Variants in ATF6 observed in about 807,000 individuals in gnomAD.
ATF6 encodes cyclic AMP-dependent transcription factor ATF-6 alpha.
A neutral mutation model predicts 83.6 loss-of-function variants in ATF6; 53 were observed. The observed-to-expected ratio is 0.63, with a 90% CI of 0.51 to 0.80. The LOEUF (loss-of-function observed/expected upper bound fraction) is 0.80, where lower values mean the gene tolerates loss of function less well. ATF6 is among the 30% of genes least tolerant of loss of function. The pLI is 0.00. For synonymous variants in ATF6, 288 were observed against 285.8 expected, an observed-to-expected ratio of 1.01 and a Z score of -0.08; for missense variants, 744 against 797.9, an observed-to-expected ratio of 0.93 and a Z score of 0.81.
In ATF6 at chr1:161,791,104, C is replaced by CTGTG. The variant is rs1324328012; in HGVS notation, c.355-303_355-302insGTGT. 2.1e-3 allele frequency among the ~76,000 whole-genome samples: 210 copies of CTGTG among 98,734 alleles called. 1 individual carries two copies. The highest frequency in any genetic ancestry group is 0.013 in the East Asian group (34 of 2,530). The allele number at this position is 98,734 out of a possible 152,430, so 64.8% of individuals were successfully genotyped here. ...TGTGTCTCTGTGTGTGTGTGTGTGT[C>CTGTG]TCTGTGTGTGTGTGTGTGTGTGTGT... is the stretch of plus-strand genomic sequence containing the variant. On this transcript the variant is annotated intron_variant, in intron 4 of 15. Transcript: ENST00000367942.
intron 4 of ATF6, 59 bp downstream of exon 4, chr1:161,784,155 A>T: frequency 8.5e-7 from 1 of 1,173,028 alleles, no homozygotes; most frequent in Non-Finnish European, 1.3e-6. Flanking sequence ...GAAAATATGT[A>T]TATGGAGGAG....
At chr1:161,817,514 CGT>C (rs145132978) in intron 7 of ATF6, among the ~76,000 whole-genome samples, 5 of 150,572 alleles carry the variant, frequency 3.3e-5, no homozygotes, top group South Asian at 2.1e-4. Flanking sequence ...TATGTGCGTG[CGT>C]GTGTGTGTGT....
Position 161,960,613 on chromosome 1 carries a change from G to A in ATF6, c.*1959G>A, listed in dbSNP as rs1309559583. The stretch of plus-strand genomic sequence containing the variant: ...TTATTGTTGTGTTACCTGGGAGTCT[G>A]GAGTTTGAAAAGTGCTAATTAACCT... On this transcript the variant is annotated 3_prime_UTR_variant, in exon 16 of 16. Transcript: ENST00000367942. 3 of 152,236 alleles carry A rather than the reference G, an allele frequency of 2.0e-5. No homozygotes were observed. Among genetic ancestry groups the A allele is most frequent in the Non-Finnish European group, 2.9e-5 (2 of 68,052 alleles). 9.4% of individuals were successfully genotyped at this position (152,236 alleles called of 1,614,324 possible).
Position 161,792,134 on chromosome 1 carries a change from G to A in ATF6, c.495G>A (p.Leu165=), listed in dbSNP as rs1349786031. Residue 165 remains leucine (L), a synonymous_variant, in exon 6 of 16, where the codon CTG becomes CTA. Coordinates refer to ENST00000367942, the MANE Select transcript of ATF6 (RefSeq NM_007348.4). ...CTGGTTTTTCTCCAGAAAATGGACT[G>A]ACTCCAAAGAAAAAAATTCAGGTGA... ...TGPRNKTENG[L]TPKKKIQVNS... is the part of the protein sequence containing the mutation. 4 of 1,613,708 alleles carry A rather than the reference G, an allele frequency of 2.5e-6. No individual in the cohort carries two copies. The African/African-American group carries it at 4.0e-5, about 16-fold the overall frequency.
intron 7 of ATF6, among the ~76,000 whole-genome samples, chr1:161,814,508 A>T (rs1685561604): frequency 1.3e-5 from 2 of 152,242 alleles, no homozygotes; most frequent in Non-Finnish European, 1.5e-5. Flanking sequence ...TCATTTTAAA[A>T]AATAGAAGGA....
intron 14 of ATF6, among the ~76,000 whole-genome samples, 189 bp downstream of exon 14, chr1:161,863,501 G>T (rs907500442): frequency 6.6e-5 from 10 of 152,138 alleles, no homozygotes; most frequent in Admixed American, 6.6e-4. Flanking sequence ...TTATAAAGAT[G>T]AACATGGAAT....
chr1:161,798,230 T>C (rs1571140336), intron 6 of ATF6, among the ~76,000 whole-genome samples: 1 of 152,144 alleles, frequency 6.6e-6, no homozygotes, highest in African/African-American at 2.4e-5. Context: ...CTAGGAAATA[T>C]GGTTCTGGAC....
At chr1:161,828,092 G>A (rs145131910) in intron 9 of ATF6, among the ~76,000 whole-genome samples, 6 of 152,064 alleles carry the variant, frequency 3.9e-5, no homozygotes, top group Admixed American at 6.5e-5. Flanking sequence ...TTATTGTTGA[G>A]AACCTGAAAT....
rs935838807 is a variant in ATF6, at chr1:161,816,966, C to T, written c.910-2667C>T. Among the ~76,000 whole-genome samples, 10 of 152,034 alleles carry T rather than the reference C, an allele frequency of 6.6e-5. No individual in the cohort carries two copies. The East Asian group carries it at 1.2e-3, about 18-fold the overall frequency. ...TTGGAGCCCTGTGTTTGGTGATAGC[C>T]GTGGGTTTCATTTATTTTTACTGTC... On this transcript the variant is annotated intron_variant, in intron 7 of 15. Coordinates refer to ENST00000367942, the MANE Select transcript of ATF6 (RefSeq NM_007348.4).
In ATF6 at chr1:161,963,085, G is replaced by A. The variant is rs534281756; in HGVS notation, c.*4431G>A. 1 of 152,088 alleles carries A rather than the reference G, an allele frequency of 6.6e-6. No individual in the cohort carries two copies. Among genetic ancestry groups the A allele is most frequent in the East Asian group, 1.9e-4 (1 of 5,180 alleles). The allele number at this position is 152,088 out of a possible 1,614,324, so 9.4% of individuals were successfully genotyped here. ...ATTGGGATTGATTTTTAATTTCCTAGGAAACAATACTAGACTACCCAAAAA... is the reference window on the plus strand; with the variant it reads ...ATTGGGATTGATTTTTAATTTCCTAAGAAACAATACTAGACTACCCAAAAA... On this transcript the variant is annotated 3_prime_UTR_variant, in exon 16 of 16. Transcript: ENST00000367942.
At chr1:161,863,340 A>C (rs1686925619) in intron 14 of ATF6, 28 bp downstream of exon 14, 1 of 1,460,626 alleles carries the variant, frequency 6.8e-7, no homozygotes, top group African/African-American at 1.4e-5. Context: ...GAATAGAGCA[A>C]ATATTTTTGA....
chr1:161,823,421 G>T (rs1248743429), intron 9 of ATF6, among the ~76,000 whole-genome samples: 1 of 151,996 alleles, frequency 6.6e-6, no homozygotes, highest in Non-Finnish European at 1.5e-5. Flanking sequence ...ATAGCATATT[G>T]AAATTTCCTT....
At chr1:161,784,939 GT>G (rs1684713256) in intron 4 of ATF6, among the ~76,000 whole-genome samples, 1 of 152,152 alleles carries the variant, frequency 6.6e-6, no homozygotes, top group African/African-American at 2.4e-5. Context: ...AAGCTTTACT[GT>G]ATCAGTCATT....
intron 14 of ATF6, among the ~76,000 whole-genome samples, chr1:161,904,600 AAAAAAAC>A (rs1220187274): frequency 2.0e-5 from 3 of 148,880 alleles, no homozygotes; most frequent in Non-Finnish European, 3.0e-5. Flanking sequence ...AAAACAAAAC[AAAAAAAC>A]AAAAAACAAA....
At chr1:161,887,419 C>T (rs1044618272) in intron 14 of ATF6, among the ~76,000 whole-genome samples, 2 of 152,008 alleles carry the variant, frequency 1.3e-5, no homozygotes, top group Non-Finnish European at 2.9e-5. Flanking sequence ...TGTTCATAAG[C>T]GGTAAATAAA....
At chr1:161,946,576 G>A (rs962279244) in intron 15 of ATF6, among the ~76,000 whole-genome samples, 3 of 152,188 alleles carry the variant, frequency 2.0e-5, no homozygotes, top group Admixed American at 6.5e-5. Context: ...TGGTCTCCAA[G>A]CTCTTCTCAG....
intron 2 of ATF6, among the ~76,000 whole-genome samples, chr1:161,780,064 G>T (rs1378341431): frequency 6.6e-6 from 1 of 151,958 alleles, no homozygotes; most frequent in Non-Finnish European, 1.5e-5. Flanking sequence ...TTGATGTGAA[G>T]ATCCAAATAA....
intron 14 of ATF6, among the ~76,000 whole-genome samples, chr1:161,866,978 G>A (rs948170545): frequency 1.2e-4 from 18 of 152,010 alleles, no homozygotes; most frequent in Admixed American, 2.6e-4. Context: ...TTGAACTCCT[G>A]GACTCAATAA....
chr1:161,925,181 T>A (rs746719694), intron 15 of ATF6, among the ~76,000 whole-genome samples: 1 of 152,232 alleles, frequency 6.6e-6, no homozygotes, highest in Non-Finnish European at 1.5e-5. Flanking sequence ...GCCTCGATTC[T>A]GGTCATTCTC....
Sources: gnomAD v4.1 joint callset for allele counts (sites outside exome capture counted in the v4.1 genomes callset) on GRCh38, gnomAD v4.1.1 for gene constraint, MANE v1.5 for transcripts, NCBI Gene and HGNC (gene_info 2026-07-23, HGNC 2026-07-21) for gene names.